Variants in COL24A1 observed in about 807,000 individuals in gnomAD.
COL24A1 encodes collagen alpha-1(XXIV) chain.
COL24A1 carries 224 observed loss-of-function variants against 253.9 expected under a neutral mutation model. That is an observed-to-expected ratio of 0.88 (90% CI 0.79 to 0.99). The LOEUF (loss-of-function observed/expected upper bound fraction) is 0.99, where lower values mean the gene tolerates loss of function less well. Among genes scored for constraint, COL24A1 ranks in the 50% least tolerant of loss-of-function variants. The pLI is 0.00. For missense variants in COL24A1, 2,131 were observed against 2,068.5 expected (o/e 1.03, Z -0.59); for synonymous variants, 685 against 673.7 (o/e 1.02, Z -0.26).
intron 37 of COL24A1, among the ~76,000 whole-genome samples, chr1:85,857,556 G>A (rs72952546): frequency 0.01 from 1,564 of 151,800 alleles, 29 homozygotes; most frequent in African/African-American, 0.036. Flanking sequence ...GGCGGTGAGG[G>A]AAGATTACCC....
At chr1:85,903,251 A>T (rs1684495925) in intron 28 of COL24A1, among the ~76,000 whole-genome samples, 1 of 152,216 alleles carries the variant, frequency 6.6e-6, no homozygotes, top group Admixed American at 6.5e-5. Context: ...TAAAGCCTAA[A>T]GTTGCTAGTT....
intron 24 of COL24A1, among the ~76,000 whole-genome samples, chr1:85,954,090 C>T (rs1212678611): frequency 1.3e-5 from 2 of 152,056 alleles, no homozygotes; most frequent in East Asian, 3.9e-4. Flanking sequence ...TTTGGGCAAT[C>T]TGAAAAATTT....
At chr1:85,956,834 A>G (rs761920673) in intron 24 of COL24A1, among the ~76,000 whole-genome samples, 10 of 152,184 alleles carry the variant, frequency 6.6e-5, no homozygotes, top group African/African-American at 9.7e-5. Context: ...AAGAAAACAT[A>G]ATAGGAGTCA....
Position 85,971,273 on chromosome 1 carries a change from TA to T in COL24A1, c.2418+66del, listed in dbSNP as rs930175905. On this transcript the variant is annotated intron_variant, in intron 21 of 59. Coordinates refer to ENST00000370571, the MANE Select transcript of COL24A1 (RefSeq NM_152890.7). Reference sequence around the variant, plus strand: ...TTAAGCAAAAACTGAAGGCCCACAATAAATAAAAAGGGAAAATTTTAACTAA... The same window carrying T: ...TTAAGCAAAAACTGAAGGCCCACAATAATAAAAAGGGAAAATTTTAACTAA... 2.2e-6 allele frequency: 3 copies of T among 1,364,588 alleles called. No homozygotes were observed. The African/African-American group carries it at 4.4e-5, about 20-fold the overall frequency. 84.5% of individuals were successfully genotyped at this position (1,364,588 alleles called of 1,614,324 possible).
chr1:85,971,175 C>T (rs1460673056), intron 21 of COL24A1, among the ~76,000 whole-genome samples, 165 bp downstream of exon 21: 3 of 152,096 alleles, frequency 2.0e-5, no homozygotes, highest in African/African-American at 7.2e-5. Context: ...CACCACTGCA[C>T]TCCATCCTGG....
chr1:85,863,032 A>G (rs1391231414), intron 37 of COL24A1, among the ~76,000 whole-genome samples: 2 of 152,154 alleles, frequency 1.3e-5, no homozygotes, highest in Non-Finnish European at 2.9e-5. Context: ...GGTCCTTCAC[A>G]TCCCTTGTAA....
Position 85,734,816 on chromosome 1 carries a change from C to A in COL24A1, c.4931G>T (p.Gly1644Val), listed in dbSNP as rs1663873947. 1 of 1,614,064 alleles carries A rather than the reference C, an allele frequency of 6.2e-7. No homozygotes were observed. Among genetic ancestry groups the A allele is most frequent in the East Asian group, 2.2e-5 (1 of 44,892 alleles). Reference sequence around the variant, plus strand: ...TACTTTAAAAATCTGGCCATTCCATCCCTTGAAACCAATAGGCAATCCTGG... The same window carrying A: ...TACTTTAAAAATCTGGCCATTCCATACCTTGAAACCAATAGGCAATCCTGG... ...SGPGLPIGFK[G>V]WNGQIFKVNT... The change falls in exon 59 of 60, where the codon GGA (glycine) becomes GTA (valine). Residue 1644 changes from glycine (G) to valine (V), a missense_variant. Transcript: ENST00000370571.
chr1:86,013,661 C>A (rs1257209337), intron 19 of COL24A1, among the ~76,000 whole-genome samples: 1 of 152,110 alleles, frequency 6.6e-6, no homozygotes, highest in Non-Finnish European at 1.5e-5. Flanking sequence ...CATGGCAAAA[C>A]CCCGTCTCTA....
At chr1:86,107,155 G>A (rs1307349987) in intron 5 of COL24A1, among the ~76,000 whole-genome samples, 1 of 152,100 alleles carries the variant, frequency 6.6e-6, no homozygotes, top group Non-Finnish European at 1.5e-5. Context: ...TGTGTTGGGA[G>A]AGACAACCTA....
At chr1:85,901,293 T>A (rs906557192) in intron 28 of COL24A1, among the ~76,000 whole-genome samples, 2 of 151,834 alleles carry the variant, frequency 1.3e-5, no homozygotes, top group African/African-American at 2.4e-5. Flanking sequence ...AACAGACACA[T>A]GAAAAAATGC....
chr1:86,035,211 C>T (rs934582935), intron 12 of COL24A1, among the ~76,000 whole-genome samples: 12 of 152,136 alleles, frequency 7.9e-5, no homozygotes, highest in Non-Finnish European at 1.5e-4. Flanking sequence ...GCCATACTCC[C>T]TTCAAAGTCA....
chr1:85,859,271 C>A (rs1448379675), intron 37 of COL24A1, among the ~76,000 whole-genome samples: 1 of 152,064 alleles, frequency 6.6e-6, no homozygotes, highest in Non-Finnish European at 1.5e-5. Flanking sequence ...CCTAATCAGA[C>A]AGTAAGGTAG....
intron 1 of COL24A1, among the ~76,000 whole-genome samples, chr1:86,148,744 T>A (rs1348626850): frequency 6.6e-6 from 1 of 152,194 alleles, no homozygotes; most frequent in Non-Finnish European, 1.5e-5. Flanking sequence ...TAATCCAGTC[T>A]ATCATTGTTG....
chr1:85,903,676 T>C (rs1393516114), intron 28 of COL24A1, among the ~76,000 whole-genome samples: 1 of 152,166 alleles, frequency 6.6e-6, no homozygotes, highest in Admixed American at 6.6e-5. Flanking sequence ...ATAGCTTAGC[T>C]ACATAAACTA....
At chr1:85,919,885 C>T (rs189512084) in intron 24 of COL24A1, among the ~76,000 whole-genome samples, 144 of 152,244 alleles carry the variant, frequency 9.5e-4, no homozygotes, top group African/African-American at 3.2e-3. Flanking sequence ...AGTGAATTTA[C>T]GTATTAACAT....
At chr1:85,971,971 T>A (rs748220221) in intron 20 of COL24A1, among the ~76,000 whole-genome samples, 19 of 152,306 alleles carry the variant, frequency 1.2e-4, no homozygotes, top group Non-Finnish European at 2.8e-4. Flanking sequence ...AAAAAAGTAT[T>A]TTGTTAAACA....
chr1:85,865,692 G>A (rs1026589024), intron 37 of COL24A1, among the ~76,000 whole-genome samples: 3 of 152,274 alleles, frequency 2.0e-5, no homozygotes, highest in Admixed American at 6.5e-5. Flanking sequence ...GATTCTGCTA[G>A]AGAACTATGC....
At chr1:85,826,159 T>C (rs1229736164) in intron 43 of COL24A1, among the ~76,000 whole-genome samples, 7 of 140,950 alleles carry the variant, frequency 5.0e-5, no homozygotes, top group Non-Finnish European at 7.8e-5. Context: ...CCAGTTTTCC[T>C]AGCACCATTT....
chr1:86,105,142 A>T lies in COL24A1; in HGVS notation c.1599+7425T>A, dbSNP rs1041615743. ...GTTGACACAGGGGTGGGGTGCTGGC[A>T]GGAGCAGGGCTGGAAGGCTGTGTAC... On this transcript the variant is annotated intron_variant, in intron 5 of 59. Transcript: ENST00000370571. Among the ~76,000 whole-genome samples, 2 of 152,194 alleles carry T rather than the reference A, an allele frequency of 1.3e-5. 1 individual carries two copies. Among genetic ancestry groups the T allele is most frequent in the African/African-American group, 4.8e-5 (2 of 41,448 alleles).
Sources: allele counts gnomAD v4.1 joint callset (sites outside exome capture counted in the v4.1 genomes callset), GRCh38; gene constraint gnomAD v4.1.1; transcripts MANE v1.5; gene names NCBI Gene and HGNC (gene_info 2026-07-23, HGNC 2026-07-21).